ANKAR: variants seen among roughly 807,000 people sequenced by gnomAD.
The protein encoded by ANKAR is ankyrin and armadillo repeat containing.
ANKAR carries 136 observed loss-of-function variants against 146.2 expected under a neutral mutation model. The ratio of observed to expected loss-of-function variants is 0.93; its 90% CI spans 0.81 to 1.07. ANKAR has a LOEUF of 1.07. Ranked by LOEUF, ANKAR falls within the 50% of genes least tolerant of loss-of-function variation. The probability of loss-of-function intolerance (pLI) is 0.00; values close to 1 mark genes in which losing one functional copy is unlikely to be tolerated. For synonymous variants in ANKAR, 500 were observed against 575.8 expected (o/e 0.87, Z 1.88); for missense variants, 1,567 against 1,679.9 (o/e 0.93, Z 1.18).
chr2:189,724,489 T>C (rs1222143972), intron 12 of ANKAR, among the ~76,000 whole-genome samples: 1 of 152,192 alleles, frequency 6.6e-6, no homozygotes, highest in Non-Finnish European at 1.5e-5. Context: ...TACTCTGGCC[T>C]TTCCTTTTGT....
At chr2:189,747,203 G>C (rs538934576), downstream of ANKAR, 6 of 152,632 alleles carry the variant, frequency 3.9e-5, no homozygotes, top group African/African-American at 1.2e-4. Flanking sequence ...GCTGGGCATG[G>C]ACATGCACAC....
intron 18 of ANKAR, chr2:189,752,969 C>G (rs1379468081): frequency 2.5e-6 from 4 of 1,609,366 alleles, no homozygotes; most frequent in Non-Finnish European, 3.4e-6. Context: ...TGCGACACCA[C>G]CAGATGCAAC....
intron 15 of ANKAR, 65 bp downstream of exon 15, chr2:189,728,886 T>C: frequency 6.8e-7 from 1 of 1,472,708 alleles, no homozygotes; most frequent in Non-Finnish European, 9.3e-7. Context: ...CGCAGAGAAG[T>C]GGAAATTAAT....
intron 2 of ANKAR, among the ~76,000 whole-genome samples, chr2:189,688,824 A>G (rs1308762782): frequency 1.3e-5 from 2 of 152,216 alleles, no homozygotes; most frequent in Admixed American, 6.5e-5. Context: ...AAAGTGAAGC[A>G]GGGACTTGAA....
intron 8 of ANKAR, among the ~76,000 whole-genome samples, chr2:189,706,338 G>T (rs2038944105): frequency 6.6e-6 from 1 of 151,842 alleles, no homozygotes; most frequent in African/African-American, 2.4e-5. Context: ...ATGAGCTGAG[G>T]TCACACCACT....
rs577349475 is a variant in ANKAR at position 189,695,420 on chromosome 2, ATAT to A, written c.1488+263_1488+265del. ...GATTGCTTATTTTGTATGTTAGGCA[ATAT>A]TATAAATCAATGAACTCTTTTAAGG... On this transcript the variant is annotated intron_variant, in intron 6 of 22. Coordinates refer to ENST00000684021, the MANE Select transcript of ANKAR (RefSeq NM_001378068.1). Among the ~76,000 whole-genome samples, 8 of 152,356 alleles carry A rather than the reference ATAT, an allele frequency of 5.3e-5. No individual in the cohort carries two copies. The East Asian group carries it at 1.5e-3, about 29-fold the overall frequency.
chr2:189,705,300 A>C, intron 8 of ANKAR, 76 bp downstream of exon 8: 4 of 1,444,416 alleles, frequency 2.8e-6, no homozygotes, highest in Non-Finnish European at 3.8e-6. Context: ...AAAGAAAATT[A>C]AATAGAATAT....
At chr2:189,730,195 A>G (rs1306273402) in intron 15 of ANKAR, among the ~76,000 whole-genome samples, 1 of 152,186 alleles carries the variant, frequency 6.6e-6, no homozygotes, top group Non-Finnish European at 1.5e-5. Context: ...CGCACATAAT[A>G]TTTCTTCAAT....
chr2:189,678,388 G>A (rs934013867), intron 2 of ANKAR, among the ~76,000 whole-genome samples: 10 of 152,068 alleles, frequency 6.6e-5, no homozygotes, highest in African/African-American at 2.4e-4. Flanking sequence ...TACTCTGTGG[G>A]TTGTCTGTTT....
intron 10 of ANKAR, among the ~76,000 whole-genome samples, chr2:189,715,346 G>T (rs1204660243): frequency 1.3e-5 from 2 of 152,108 alleles, no homozygotes; most frequent in African/African-American, 4.8e-5. Context: ...TAGAAGAAAT[G>T]GATAAATTCC....
At chr2:189,717,612 A>G (rs2040651207) in intron 10 of ANKAR, among the ~76,000 whole-genome samples, 1 of 152,248 alleles carries the variant, frequency 6.6e-6, no homozygotes, top group African/African-American at 2.4e-5. Context: ...ATTATAAATC[A>G]TGCTGCTATA....
intron 12 of ANKAR, among the ~76,000 whole-genome samples, chr2:189,727,544 A>AAAAG (rs1559126243): frequency 7.3e-5 from 11 of 149,944 alleles, no homozygotes; most frequent in African/African-American, 2.5e-4. Flanking sequence ...AAAAAAAAAA[A>AAAAG]AAGGGTGGTG....
chr2:189,720,907 G>A (rs890503098), intron 12 of ANKAR, 120 bp downstream of exon 12: 23 of 759,082 alleles, frequency 3.0e-5, no homozygotes, highest in East Asian at 2.7e-4. Context: ...AGATCTAAAC[G>A]TGTAATATAA....
chr2:189,715,652 C>A (rs2040362468), intron 10 of ANKAR, among the ~76,000 whole-genome samples: 1 of 152,194 alleles, frequency 6.6e-6, no homozygotes, highest in Non-Finnish European at 1.5e-5. Flanking sequence ...GAATTTTAGA[C>A]CAATATCCCT....
chr2:189,717,806 A>T (rs552926876), intron 10 of ANKAR, among the ~76,000 whole-genome samples: 25 of 152,310 alleles, frequency 1.6e-4, no homozygotes, highest in African/African-American at 5.8e-4. Context: ...ATGACGCTGG[A>T]AACCATCATT....
chr2:189,753,576 A>G (rs1340011740), intron 18 of ANKAR, among the ~76,000 whole-genome samples: 1 of 152,104 alleles, frequency 6.6e-6, no homozygotes, highest in Non-Finnish European at 1.5e-5. Context: ...ACAAACAAAC[A>G]AAGGGATTTC....
Position 189,676,964 on chromosome 2 carries a change from G to A in ANKAR, c.474G>A (p.Trp158Ter). 6.2e-7 allele frequency: 1 copy of A among 1,613,944 alleles called. No homozygotes were observed. Among genetic ancestry groups the A allele is most frequent in the Non-Finnish European group, 8.5e-7 (1 of 1,180,032 alleles). The change falls in exon 2 of 23, where the codon TGG becomes TGA. Residue 158 changes from tryptophan (W) to a stop codon, truncating the protein, a stop_gained. Coordinates refer to ENST00000684021, the MANE Select transcript of ANKAR (RefSeq NM_001378068.1). LOFTEE classifies it high-confidence loss of function. Reference protein sequence around the residue: ...INIDYMLKALWHGIYMPKEKR... With the variant: ...INIDYMLKAL ...TTGACTACATGCTGAAAGCACTATG[G>A]CATGGAATATATATGCCCAAAGAAA... is the stretch of plus-strand genomic sequence containing the variant.
rs562671767 is a variant in ANKAR, at chr2:189,697,644, G to A, written c.1708+1275G>A. 4.6e-5 allele frequency among the ~76,000 whole-genome samples: 7 copies of A among 152,010 alleles called. No homozygotes were observed. In the East Asian group the frequency reaches 1.4e-3, roughly 29 times the overall value. ...AATTCAATCACATTTAAATGCAATA[G>A]GTAACACTATTTAAAGATGTATTAC... is the stretch of plus-strand genomic sequence containing the variant. On this transcript the variant is annotated intron_variant, in intron 7 of 22. Transcript: ENST00000684021.
At chr2:189,761,692 T>C, downstream of ANKAR, 1 of 1,467,680 alleles carries the variant, frequency 6.8e-7, no homozygotes, top group East Asian at 2.4e-5. Context: ...AACTTATTAT[T>C]TGCAACTGAC....
Sources: allele counts gnomAD v4.1 joint callset (sites outside exome capture counted in the v4.1 genomes callset), GRCh38; gene constraint gnomAD v4.1.1; transcripts MANE v1.5; gene names NCBI Gene and HGNC (gene_info 2026-07-23, HGNC 2026-07-21).